Variants in AKAP6 observed in about 807,000 individuals in gnomAD.
The protein encoded by AKAP6 is A-kinase anchor protein 6.
A neutral mutation model predicts 188.5 loss-of-function variants in AKAP6; 58 were observed. That is an observed-to-expected ratio of 0.31 (90% confidence interval 0.25 to 0.38). The LOEUF is 0.38. AKAP6 is among the 10% of genes least tolerant of loss of function. The pLI, the probability that AKAP6 is intolerant of heterozygous loss-of-function variation, is 1.00. For synonymous variants in AKAP6, 989 were observed against 998.6 expected, an observed-to-expected ratio of 0.99 and a Z score of 0.18; for missense variants, 2,710 against 2,740.0, an observed-to-expected ratio of 0.99 and a Z score of 0.24.
chr14:32,362,175 A>G (rs1887686046), intron 1 of AKAP6, among the ~76,000 whole-genome samples: 1 of 152,066 alleles, frequency 6.6e-6, no homozygotes, highest in Non-Finnish European at 1.5e-5. Context: ...TTCAGGTTAA[A>G]TGTTTTATAT....
chr14:32,810,052 G>T (rs1240440441), intron 12 of AKAP6, among the ~76,000 whole-genome samples: 1 of 152,202 alleles, frequency 6.6e-6, no homozygotes, highest in Non-Finnish European at 1.5e-5. Flanking sequence ...AGTGCCTGGA[G>T]AAATAAATTC....
chr14:32,655,300 A>T (rs952719203), intron 7 of AKAP6, among the ~76,000 whole-genome samples: 4 of 152,172 alleles, frequency 2.6e-5, no homozygotes, highest in Non-Finnish European at 4.4e-5. Flanking sequence ...ACTGGATGTG[A>T]TTTCTCCACT....
At chr14:32,690,934 A>C (rs1223059393) in intron 8 of AKAP6, among the ~76,000 whole-genome samples, 11 of 152,208 alleles carry the variant, frequency 7.2e-5, no homozygotes, top group Non-Finnish European at 1.5e-5. Context: ...ACACTTTCAT[A>C]GAGTATATAT....
intron 1 of AKAP6, among the ~76,000 whole-genome samples, chr14:32,362,747 T>C (rs987327782): frequency 1.3e-5 from 2 of 152,150 alleles, no homozygotes; most frequent in African/African-American, 2.4e-5. Flanking sequence ...CCTAAGGAGT[T>C]AAGACTTTAT....
rs149788882 is a variant in AKAP6 at position 32,425,856 on chromosome 14, A to G, written c.-34-7604A>G. Among the ~76,000 whole-genome samples the G allele has an allele frequency of 4.3e-4, 65 of 152,218 alleles. 1 individual carries two copies. Among genetic ancestry groups the G allele is most frequent in the African/African-American group, 1.4e-3 (57 of 41,532 alleles). ...TGCAGATGTTGTTCAGTTTAATTGG[A>G]TCCCATTTGTCAATTTTTGCTATTG... is the stretch of plus-strand genomic sequence containing the variant. On this transcript the variant is annotated intron_variant, in intron 1 of 13. Coordinates refer to ENST00000280979, the MANE Select transcript of AKAP6 (RefSeq NM_004274.5).
intron 12 of AKAP6, among the ~76,000 whole-genome samples, chr14:32,797,937 A>AAAC (rs1282266174): frequency 1.3e-5 from 2 of 151,786 alleles, no homozygotes; most frequent in African/African-American, 2.4e-5. Context: ...AAAAAAAAAA[A>AAAC]AAACCATTAA....
intron 9 of AKAP6, chr14:32,718,406 A>C: frequency 1.2e-6 from 1 of 801,518 alleles, no homozygotes; most frequent in Non-Finnish European, 1.5e-6. Flanking sequence ...AAGAAACAAA[A>C]AGGCCCAAGG....
chr14:32,375,606 C>T (rs73256801), intron 1 of AKAP6, among the ~76,000 whole-genome samples: 2,785 of 151,800 alleles, frequency 0.018, 92 homozygotes, highest in African/African-American at 0.065. Flanking sequence ...ATTCAAAAGG[C>T]AGGAAAGGGA....
intron 7 of AKAP6, among the ~76,000 whole-genome samples, chr14:32,614,127 G>C (rs1417372483): frequency 6.6e-6 from 1 of 152,140 alleles, no homozygotes. Context: ...TGTGAACAAA[G>C]ATATCGCTGA....
At chr14:32,780,750 G>A (rs1294222261) in intron 12 of AKAP6, among the ~76,000 whole-genome samples, 1 of 152,052 alleles carries the variant, frequency 6.6e-6, no homozygotes, top group Middle Eastern at 3.2e-3. Context: ...GCAATATATC[G>A]AGACTCCATA....
At chr14:32,365,021 A>G (rs1887786153) in intron 1 of AKAP6, among the ~76,000 whole-genome samples, 1 of 152,156 alleles carries the variant, frequency 6.6e-6, no homozygotes, top group Non-Finnish European at 1.5e-5. Flanking sequence ...GCTGACACTC[A>G]AGGAGTCTAA....
In AKAP6 at chr14:32,813,389, A is replaced by ACCCC. The variant is rs112729792; in HGVS notation, c.3589-8005_3589-8002dup. 1.0e-3 allele frequency among the ~76,000 whole-genome samples: 66 copies of ACCCC among 65,306 alleles called. 1 individual carries two copies. The highest frequency in any genetic ancestry group is 2.7e-3 in the East Asian group (4 of 1,482). The allele number at this position is 65,306 out of a possible 152,430, so 42.8% of individuals were successfully genotyped here. A position where few individuals can be genotyped will look rare whatever the true frequency, so the allele number is the denominator to read the frequency against. On this transcript the variant is annotated intron_variant, in intron 12 of 13. Transcript: ENST00000280979. ...AGTTACAGTTTTCATCTCTAACCCT[A>ACCCC]CCCCCCCCCCCAACCCCTTTCCCAG...
At chr14:32,805,223 G>A (rs2034058267) in intron 12 of AKAP6, among the ~76,000 whole-genome samples, 1 of 152,146 alleles carries the variant, frequency 6.6e-6, no homozygotes, top group African/African-American at 2.4e-5. Context: ...CACGGCTCCT[G>A]CCTGGTCCCT....
chr14:32,754,154 A>G (rs1415131006), intron 11 of AKAP6, among the ~76,000 whole-genome samples: 1 of 151,968 alleles, frequency 6.6e-6, no homozygotes, highest in Non-Finnish European at 1.5e-5. Flanking sequence ...CGTTTCTGTC[A>G]ATATTTGCTT....
intron 7 of AKAP6, among the ~76,000 whole-genome samples, chr14:32,662,770 G>A (rs759526685): frequency 5.7e-4 from 87 of 152,184 alleles, no homozygotes; most frequent in African/African-American, 1.8e-3. Context: ...TCTGTTTTCC[G>A]TCAGATATTT....
intron 7 of AKAP6, among the ~76,000 whole-genome samples, chr14:32,672,040 T>C (rs906831378): frequency 1.3e-5 from 2 of 152,190 alleles, no homozygotes; most frequent in African/African-American, 4.8e-5. Context: ...ATATTATTAT[T>C]AGTTACACAC....
intron 1 of AKAP6, among the ~76,000 whole-genome samples, chr14:32,423,776 A>G (rs917522353): frequency 6.6e-6 from 1 of 152,128 alleles, no homozygotes; most frequent in African/African-American, 2.4e-5. Flanking sequence ...TTTATATATT[A>G]CTCTTTAATT....
intron 7 of AKAP6, among the ~76,000 whole-genome samples, chr14:32,610,789 A>G (rs79711292): frequency 0.021 from 3,134 of 152,316 alleles, 47 homozygotes; most frequent in Non-Finnish European, 0.031. Context: ...AACAGTGAAT[A>G]GTTTGGCTTC....
chr14:32,803,179 C>T (rs1274930454), intron 12 of AKAP6, among the ~76,000 whole-genome samples: 3 of 151,504 alleles, frequency 2.0e-5, no homozygotes, highest in African/African-American at 4.9e-5. Context: ...CACGGTGGCT[C>T]ATGCCTGTAA....
Sources: gnomAD v4.1 joint callset for allele counts (sites outside exome capture counted in the v4.1 genomes callset) on GRCh38, gnomAD v4.1.1 for gene constraint, MANE v1.5 for transcripts, NCBI Gene and HGNC (gene_info 2026-07-23, HGNC 2026-07-21) for gene names.